The following COBL variants were observed in gnomAD, a reference collection of about 807,000 sequenced individuals.
COBL encodes cordon-bleu WH2 repeat protein.
Under a neutral mutation model 98.8 loss-of-function variants are expected in COBL, and 51 were observed. That is an observed-to-expected ratio of 0.52 (90% CI 0.41 to 0.65). The LOEUF (loss-of-function observed/expected upper bound fraction) is 0.65, where lower values mean the gene tolerates loss of function less well. COBL is among the 30% of genes least tolerant of loss of function. The pLI is 0.00. For synonymous variants in COBL, 634 were observed against 651.7 expected (o/e 0.97, Z 0.41); for missense variants, 1,617 against 1,617.5 (o/e 1.00, Z 0.01).
At chr7:51,213,065 C>G (rs1480676895) in intron 2 of COBL, among the ~76,000 whole-genome samples, 1 of 152,224 alleles carries the variant, frequency 6.6e-6, no homozygotes, top group Non-Finnish European at 1.5e-5. Flanking sequence ...ACTGTCAAAT[C>G]TTAAACTGGT....
chr7:51,080,996 A>C (rs1793601174), intron 7 of COBL, among the ~76,000 whole-genome samples: 2 of 152,192 alleles, frequency 1.3e-5, no homozygotes, highest in South Asian at 4.1e-4. Context: ...TAGTTTGTAA[A>C]GCCATAAACA....
At chr7:51,023,313 T>C (rs1023977345) in intron 12 of COBL, among the ~76,000 whole-genome samples, 10 of 152,230 alleles carry the variant, frequency 6.6e-5, no homozygotes, top group African/African-American at 2.4e-4. Context: ...TAATTTCTAA[T>C]TGCCCCTATC....
chr7:51,067,246 C>T (rs562047960), intron 7 of COBL, among the ~76,000 whole-genome samples: 7 of 152,278 alleles, frequency 4.6e-5, no homozygotes, highest in East Asian at 3.9e-4. Context: ...TATGAGTGCA[C>T]GCACGTGTTA....
At chr7:51,038,712 G>T (rs535407591) in intron 8 of COBL, among the ~76,000 whole-genome samples, 2 of 152,316 alleles carry the variant, frequency 1.3e-5, no homozygotes, top group South Asian at 4.1e-4. Flanking sequence ...TTTTCTTGAT[G>T]ACTGGGACTA....
rs114237147 is a variant in COBL at position 51,148,527 on chromosome 7, C to G, written c.784-12196G>C. Among the ~76,000 whole-genome samples, 1,204 of 152,306 alleles carry G rather than the reference C, an allele frequency of 7.9e-3. 14 individuals carry two copies. The highest frequency in any genetic ancestry group is 0.028 in the African/African-American group (1,171 of 41,552). The stretch of plus-strand genomic sequence containing the variant: ...AAGGCCTTGGCCCATGGATGCTGTC[C>G]ATGTCGCTAAGGTCTTGTCCTGGCC... On this transcript the variant is annotated intron_variant, in intron 5 of 12. Transcript: ENST00000265136.
intron 1 of COBL, among the ~76,000 whole-genome samples, chr7:51,262,435 C>A (rs891006103): frequency 6.6e-6 from 1 of 152,168 alleles, no homozygotes; most frequent in Non-Finnish European, 1.5e-5. Context: ...TCAGTAGGAC[C>A]ATACAAACAG....
chr7:51,180,780 A>C (rs78558359), intron 5 of COBL, among the ~76,000 whole-genome samples: 7 of 152,340 alleles, frequency 4.6e-5, no homozygotes, highest in East Asian at 3.9e-4. Flanking sequence ...TCTAAAGAAG[A>C]AGCAGGATGT....
At chr7:51,105,791 G>A (rs946521133) in intron 6 of COBL, among the ~76,000 whole-genome samples, 2 of 152,060 alleles carry the variant, frequency 1.3e-5, no homozygotes, top group African/African-American at 4.8e-5. Context: ...TCCCTCCTAG[G>A]CTGAGAGAGG....
chr7:51,272,637 A>G (rs923800145), intron 1 of COBL, among the ~76,000 whole-genome samples: 1 of 152,162 alleles, frequency 6.6e-6, no homozygotes, highest in Non-Finnish European at 1.5e-5. Flanking sequence ...AGATCTGAAA[A>G]TATCAGTGAA....
rs561654113 is a variant in COBL at position 51,316,684 on chromosome 7, G to A, written c.-51C>T. ...GTGCTCCGGGCCCGCCGAGTCAGGC[G>A]CTGGCTACCGCCGCCACCGCTGCCG... is the stretch of plus-strand genomic sequence containing the variant. On this transcript the variant is annotated 5_prime_UTR_variant, in exon 1 of 13. Coordinates refer to ENST00000265136, the MANE Select transcript of COBL (RefSeq NM_015198.5). The A allele has an allele frequency of 6.1e-4, 716 of 1,166,748 alleles. 4 individuals carry two copies. In the African/African-American group the frequency reaches 8.5e-3, roughly 14 times the overall value. 72.3% of individuals were successfully genotyped at this position (1,166,748 alleles called of 1,614,324 possible).
chr7:51,296,914 C>A (rs898054388), intron 1 of COBL, among the ~76,000 whole-genome samples: 5 of 152,182 alleles, frequency 3.3e-5, no homozygotes, highest in African/African-American at 1.2e-4. Context: ...ACCTTGGGAG[C>A]TGGAACAACA....
At chr7:51,288,998 C>T (rs1800647153) in intron 1 of COBL, among the ~76,000 whole-genome samples, 1 of 152,068 alleles carries the variant, frequency 6.6e-6, no homozygotes, top group Admixed American at 6.6e-5. Flanking sequence ...AGGGCCAAAA[C>T]GTCTTGTTTC....
At chr7:51,287,686 T>C (rs1800501987) in intron 1 of COBL, among the ~76,000 whole-genome samples, 1 of 152,312 alleles carries the variant, frequency 6.6e-6, no homozygotes, top group African/African-American at 2.4e-5. Context: ...TGTACATGAA[T>C]GTTTATAGCA....
In COBL at chr7:51,103,194, GTTTT is replaced by G. The variant is rs575350471; in HGVS notation, c.958-17894_958-17891del. Among the ~76,000 whole-genome samples the G allele has an allele frequency of 2.0e-5, 3 of 152,154 alleles. No homozygotes were observed. In the South Asian group the frequency reaches 6.2e-4, roughly 32 times the overall value. On this transcript the variant is annotated intron_variant, in intron 6 of 12. Coordinates refer to ENST00000265136, the MANE Select transcript of COBL (RefSeq NM_015198.5). Reference sequence around the variant, plus strand: ...ACACAGAGTATCAATGACCATGCTTGTTTTTTTATCAAAGTGTAAGTGTTCTGAA... The same window carrying G: ...ACACAGAGTATCAATGACCATGCTTGTTTATCAAAGTGTAAGTGTTCTGAA...
At chr7:51,157,347 T>C in intron 5 of COBL, among the ~76,000 whole-genome samples, 1 of 152,202 alleles carries the variant, frequency 6.6e-6, no homozygotes, top group Non-Finnish European at 1.5e-5. Context: ...CACTCCAGCC[T>C]GGGCAACACA....
chr7:51,263,220 G>C (rs150614010), intron 1 of COBL, among the ~76,000 whole-genome samples: 269 of 152,200 alleles, frequency 1.8e-3, no homozygotes, highest in African/African-American at 6.2e-3. Flanking sequence ...CTGCACTGGG[G>C]AAAGGTGCAA....
chr7:51,226,287 T>C (rs970121878), intron 1 of COBL, among the ~76,000 whole-genome samples: 4 of 152,312 alleles, frequency 2.6e-5, no homozygotes, highest in African/African-American at 9.6e-5. Flanking sequence ...AGTCTGTTTA[T>C]GCTGCAGGCA....
intron 6 of COBL, among the ~76,000 whole-genome samples, chr7:51,135,190 T>C (rs1799121233): frequency 6.6e-6 from 1 of 152,226 alleles, no homozygotes; most frequent in South Asian, 2.1e-4. Context: ...CTTGAACTCC[T>C]GACCTCAGGT....
intron 2 of COBL, among the ~76,000 whole-genome samples, 174 bp downstream of exon 2, chr7:51,219,567 G>C (rs1389806246): frequency 6.6e-6 from 1 of 152,188 alleles, no homozygotes; most frequent in Non-Finnish European, 1.5e-5. Context: ...CCCCAGGTAA[G>C]ACAGACAGTT....
Sources: gnomAD v4.1 joint callset for allele counts (sites outside exome capture counted in the v4.1 genomes callset) on GRCh38, gnomAD v4.1.1 for gene constraint, MANE v1.5 for transcripts, NCBI Gene and HGNC (gene_info 2026-07-23, HGNC 2026-07-21) for gene names.